SF3B1: variants seen among roughly 807,000 people sequenced by gnomAD.
SF3B1 encodes the protein pre-mRNA processing 10.
A neutral mutation model predicts 153.8 loss-of-function variants in SF3B1; 12 were observed. The observed-to-expected ratio is 0.08, with a 90% CI of 0.05 to 0.13. The LOEUF is 0.13. SF3B1 is among the 10% of genes least tolerant of loss of function. The pLI is 1.00. For synonymous variants in SF3B1, 498 were observed against 525.2 expected (o/e 0.95, Z 0.71); for missense variants, 513 against 1,606.1 (o/e 0.32, Z 11.63).
At chr2:197,396,025 TA>T (rs2084871502) in intron 23 of SF3B1, 30 bp downstream of exon 23, 2 of 1,536,422 alleles carry the variant, frequency 1.3e-6, no homozygotes, top group African/African-American at 2.7e-5. Context: ...GAGTTATAAT[TA>T]TTTTCTTGTA....
intron 4 of SF3B1, chr2:197,419,995 C>T (rs965724580): frequency 8.8e-6 from 2 of 226,850 alleles, no homozygotes; most frequent in Non-Finnish European, 1.7e-5. Context: ...GGTGCCTTTA[C>T]TAAGCTATAT....
chr2:197,392,275 T>G lies in SF3B1; in HGVS notation c.*28A>C. On this transcript the variant is annotated 3_prime_UTR_variant, in exon 25 of 25. Coordinates refer to ENST00000335508, the MANE Select transcript of SF3B1 (RefSeq NM_012433.4). ...GCAAGTTTAAGGTGTGAAGTAGCTG[T>G]GCATTAAACACAAAATAAACAATAA... 1.1e-6 allele frequency: 1 copy of G among 901,174 alleles called. No individual in the cohort carries two copies. The highest frequency in any genetic ancestry group is 1.8e-6 in the Non-Finnish European group (1 of 546,950). 55.8% of individuals were successfully genotyped at this position (901,174 alleles called of 1,614,324 possible).
At chr2:197,420,991 T>C in intron 3 of SF3B1, 38 bp downstream of exon 3, 1 of 1,311,558 alleles carries the variant, frequency 7.6e-7, no homozygotes, top group South Asian at 1.3e-5. Context: ...TCACTTTTCT[T>C]TAGCTGAATA....
In SF3B1 at chr2:197,402,497, T is replaced by C. The variant is rs149825868; in HGVS notation, c.2077+59A>G. 4.3e-5 allele frequency: 64 copies of C among 1,490,846 alleles called. 1 individual carries two copies. The highest frequency in any genetic ancestry group is 3.3e-4 in the African/African-American group (23 of 70,752). The allele number at this position is 1,490,846 out of a possible 1,614,324, so 92.4% of individuals were successfully genotyped here. A position where few individuals can be genotyped will look rare whatever the true frequency, so the allele number is the denominator to read the frequency against. ...AGGTTTGAGTCCAGTCTGGGCAACA[T>C]AGTAAGACCCTGTCTCCTAAAGAAA... On this transcript the variant is annotated intron_variant, in intron 14 of 24. Coordinates refer to ENST00000335508, the MANE Select transcript of SF3B1 (RefSeq NM_012433.4). This position sits in a 1 kb window ranked among gnomAD's most constrained non-coding sequence, Gnocchi z 4.6.
chr2:197,417,088 T>C (rs1290673587), intron 5 of SF3B1, among the ~76,000 whole-genome samples, 177 bp from the exon 6 acceptor site: 1 of 152,222 alleles, frequency 6.6e-6, no homozygotes, highest in Admixed American at 6.5e-5. Context: ...TATTTCGTTT[T>C]ACATAATGCC....
rs760695539 is a variant in SF3B1, at chr2:197,400,065, T to C, written c.3003A>G (p.Val1001=). Residue 1001 remains valine (V), a synonymous_variant, in exon 20 of 25, where the codon GTA becomes GTG. Transcript: ENST00000335508. This position sits in a 1 kb window ranked among gnomAD's most constrained non-coding sequence, Gnocchi z 5.0. Reference sequence around the variant, plus strand: ...CAGCAAATTCCATACCTATGACATTTACAATGGCCTTCAGTGCTCCAAGAA... The same window carrying C: ...CAGCAAATTCCATACCTATGACATTCACAATGGCCTTCAGTGCTCCAAGAA... ...GSILGALKAI[V]NVIGMHKMTP... The C allele has an allele frequency of 1.2e-4, 195 of 1,605,358 alleles. No homozygotes were observed. Among genetic ancestry groups the C allele is most frequent in the Non-Finnish European group, 1.6e-4 (188 of 1,172,382 alleles).
At chr2:197,423,763 T>A in intron 2 of SF3B1, 45 bp downstream of exon 2, 2 of 1,578,198 alleles carry the variant, frequency 1.3e-6, no homozygotes, top group South Asian at 2.3e-5. Context: ...TATTTCTTGC[T>A]CTCTCAAAAA....
intron 1 of SF3B1, 67 bp from the exon 2 acceptor site, chr2:197,424,041 C>A: frequency 7.7e-7 from 1 of 1,291,478 alleles, no homozygotes. Context: ...CAATGCATTT[C>A]TTTACTAGGT....
intron 1 of SF3B1, 23 bp downstream of exon 1, chr2:197,434,949 G>A (rs1323459775): frequency 1.9e-6 from 3 of 1,611,656 alleles, no homozygotes; most frequent in Admixed American, 1.7e-5. Context: ...AAGAAAACAC[G>A]TAAGCAGGGA....
At position 197,390,719 on chromosome 2, in the gene SF3B1, CT is replaced by C. The variant is rs1230730813; in HGVS notation, c.*1583del. On this transcript the variant is annotated 3_prime_UTR_variant, in exon 25 of 25. Transcript: ENST00000335508. ...TCCCGGGTTCAAGCCATTCTCCTGCCTCAGCCTCCCTAGTAGCTGGGACTAC... is the reference window on the plus strand; with the variant it reads ...TCCCGGGTTCAAGCCATTCTCCTGCCCAGCCTCCCTAGTAGCTGGGACTAC... 1 of 152,190 alleles carries C rather than the reference CT, an allele frequency of 6.6e-6. No homozygotes were observed. Among genetic ancestry groups the C allele is most frequent in the Non-Finnish European group, 1.5e-5 (1 of 68,122 alleles). 9.4% of individuals were successfully genotyped at this position (152,190 alleles called of 1,614,324 possible).
chr2:197,398,683 C>T, intron 20 of SF3B1, 102 bp from the exon 21 acceptor site: 3 of 1,076,552 alleles, frequency 2.8e-6, no homozygotes, highest in Admixed American at 2.4e-5. Context: ...TAAATATAAA[C>T]TTACAGCTGC....
chr2:197,415,969 T>C, intron 6 of SF3B1, among the ~76,000 whole-genome samples: 1 of 131,480 alleles, frequency 7.6e-6, no homozygotes. Context: ...CATGCACCAC[T>C]ATGCCCAGCT....
intron 1 of SF3B1, 48 bp downstream of exon 1, chr2:197,434,924 A>G (rs779046825): frequency 1.3e-6 from 2 of 1,583,192 alleles, no homozygotes; most frequent in African/African-American, 1.3e-5. Flanking sequence ...AAAGGCTTTT[A>G]TTAGGCTAGC....
rs748050120 is a variant in SF3B1 at position 197,400,450 on chromosome 2, A to T, written c.2719-16T>A. On this transcript the variant is annotated splice_polypyrimidine_tract_variant and intron_variant, in intron 18 of 24. Coordinates refer to ENST00000335508, the MANE Select transcript of SF3B1 (RefSeq NM_012433.4). This position sits in a 1 kb window ranked among gnomAD's most constrained non-coding sequence, Gnocchi z 5.0. ...TTACTGAGTCCTAAAAAATAAATTT[A>T]AAAAAAAGACATATTCATTTGGTTT... is the stretch of plus-strand genomic sequence containing the variant. 1.7e-5 allele frequency: 27 copies of T among 1,574,562 alleles called. No individual in the cohort carries two copies. Among genetic ancestry groups the T allele is most frequent in the Middle Eastern group, 1.7e-4 (1 of 5,880 alleles).
At position 197,421,009 on chromosome 2, in the gene SF3B1, C is replaced by T. The variant is rs756467371; in HGVS notation, c.300+20G>A. On this transcript the variant is annotated intron_variant, in intron 3 of 24. Coordinates refer to ENST00000335508, the MANE Select transcript of SF3B1 (RefSeq NM_012433.4). ...CTTTTCTTTAGCTGAATAAACTATG[C>T]TTTTAAAATGAAAGATCACCTGTTC... 2 of 1,477,682 alleles carry T rather than the reference C, an allele frequency of 1.4e-6. No homozygotes were observed. The highest frequency in any genetic ancestry group is 2.8e-5 in the African/African-American group (2 of 71,430). The allele number at this position is 1,477,682 out of a possible 1,614,324, so 91.5% of individuals were successfully genotyped here.
Position 197,402,210 on chromosome 2 carries a change from T to A in SF3B1, c.2078-80A>T, listed in dbSNP as rs2105985826. On this transcript the variant is annotated intron_variant, in intron 14 of 24. Transcript: ENST00000335508. This position sits in a 1 kb window ranked among gnomAD's most constrained non-coding sequence, Gnocchi z 4.6. Reference sequence around the variant, plus strand: ...ATATCATCCAGATTCTCTCAATATATCAACTATTCAGCCAAACTGCAGAAT... The same window carrying A: ...ATATCATCCAGATTCTCTCAATATAACAACTATTCAGCCAAACTGCAGAAT... 1.3e-6 allele frequency: 2 copies of A among 1,506,292 alleles called. No individual in the cohort carries two copies. Among genetic ancestry groups the A allele is most frequent in the South Asian group, 1.3e-5 (1 of 76,080 alleles). The allele number at this position is 1,506,292 out of a possible 1,614,324, so 93.3% of individuals were successfully genotyped here.
intron 1 of SF3B1, among the ~76,000 whole-genome samples, chr2:197,429,165 G>C (rs548783533): frequency 6.6e-6 from 1 of 152,244 alleles, no homozygotes; most frequent in East Asian, 1.9e-4. Context: ...TGGACTCATA[G>C]TTCAATACAT....
At chr2:197,416,277 T>C (rs1434422777) in intron 6 of SF3B1, among the ~76,000 whole-genome samples, 6 of 152,148 alleles carry the variant, frequency 3.9e-5, no homozygotes, top group Non-Finnish European at 8.8e-5. Flanking sequence ...CAATGTAACA[T>C]ACCTACAGGT....
intron 23 of SF3B1, among the ~76,000 whole-genome samples, chr2:197,395,596 C>A (rs752954572): frequency 8.5e-5 from 13 of 152,222 alleles, no homozygotes; most frequent in African/African-American, 2.9e-4. Context: ...TGGTCACCAT[C>A]TGAAACACCA....
Sources: gnomAD v4.1 joint callset for allele counts (sites outside exome capture counted in the v4.1 genomes callset) on GRCh38, gnomAD v4.1.1 for gene constraint, Gnocchi (gnomAD v3.1) non-coding constraint, MANE v1.5 for transcripts, NCBI Gene and HGNC (gene_info 2026-07-23, HGNC 2026-07-21) for gene names.